Variants in PPP5C observed in about 807,000 individuals in gnomAD.
The protein encoded by PPP5C is serine/threonine-protein phosphatase 5.
A neutral mutation model predicts 66.7 loss-of-function variants in PPP5C; 21 were observed. That is an observed-to-expected ratio of 0.31 (90% CI 0.22 to 0.45). PPP5C has a LOEUF of 0.45. Among genes scored for constraint, PPP5C ranks in the 20% least tolerant of loss-of-function variants. PPP5C has a pLI of 1.00. For missense variants in PPP5C, 464 were observed against 675.9 expected (o/e 0.69, Z 3.48); for synonymous variants, 246 against 257.4 (o/e 0.96, Z 0.43).
chr19:46,360,128 T>C (rs1028922439), intron 2 of PPP5C, among the ~76,000 whole-genome samples: 1 of 152,194 alleles, frequency 6.6e-6, no homozygotes, highest in Non-Finnish European at 1.5e-5. Flanking sequence ...ATTGCCTGTG[T>C]ATGACAGAGG....
chr19:46,364,818 C>G (rs905910764), intron 2 of PPP5C, among the ~76,000 whole-genome samples: 5 of 151,618 alleles, frequency 3.3e-5, no homozygotes, highest in African/African-American at 1.2e-4. Context: ...TCATTTGGGC[C>G]ATTGCACTTT....
intron 2 of PPP5C, among the ~76,000 whole-genome samples, chr19:46,366,547 T>C (rs1972494780): frequency 6.6e-6 from 1 of 152,068 alleles, no homozygotes; most frequent in East Asian, 1.9e-4. Flanking sequence ...GGTCTTGCTG[T>C]GTTCCCCAGG....
rs183639910 is a variant in PPP5C at position 46,354,880 on chromosome 19, G to A, written c.363+891G>A. On this transcript the variant is annotated intron_variant, in intron 2 of 12. Coordinates refer to ENST00000012443, the MANE Select transcript of PPP5C (RefSeq NM_006247.4). ...TATGCTGATGAGGGAGGGGACCTAGGGCACAGTGAGAATTCGCTAGTGCCC... is the reference window on the plus strand; with the variant it reads ...TATGCTGATGAGGGAGGGGACCTAGAGCACAGTGAGAATTCGCTAGTGCCC... Among the ~76,000 whole-genome samples, 341 of 151,986 alleles carry A rather than the reference G, an allele frequency of 2.2e-3. 2 individuals carry two copies. The highest frequency in any genetic ancestry group is 6.9e-3 in the African/African-American group (286 of 41,452).
At chr19:46,352,819 CAAA>C (rs5828273) in intron 1 of PPP5C, among the ~76,000 whole-genome samples, 20 of 127,490 alleles carry the variant, frequency 1.6e-4, no homozygotes, top group East Asian at 2.4e-4. Context: ...GACTCCATCT[CAAA>C]AAAAAAAAAA....
rs899945103 is a variant in PPP5C at position 46,383,310 on chromosome 19, G to C, written c.634-101G>C. 6.4e-7 allele frequency: 1 copy of C among 1,555,990 alleles called. No homozygotes were observed. The highest frequency in any genetic ancestry group is 8.7e-7 in the Non-Finnish European group (1 of 1,150,066). On this transcript the variant is annotated intron_variant, in intron 4 of 12. Transcript: ENST00000012443. This position sits in a 1 kb window ranked among gnomAD's most constrained non-coding sequence, Gnocchi z 5.0. ...TTTCTTCTCTCCCTGCTTCTCCCTC[G>C]CCCTCAGCCCAGCAGCGTCTCATGG...
At chr19:46,373,547 G>A (rs1053919296) in intron 2 of PPP5C, among the ~76,000 whole-genome samples, 1 of 152,244 alleles carries the variant, frequency 6.6e-6, no homozygotes, top group Non-Finnish European at 1.5e-5. Flanking sequence ...TCCCTGCGCT[G>A]TCATTGTTTG....
intron 1 of PPP5C, among the ~76,000 whole-genome samples, chr19:46,351,516 C>A (rs1972183677): frequency 2.6e-5 from 4 of 152,232 alleles, no homozygotes; most frequent in African/African-American, 7.2e-5. Context: ...AAAGAGGAGG[C>A]TATTTGCCTG....
rs1186206470 is a variant in PPP5C at position 46,376,669 on chromosome 19, G to A, written c.633+95G>A. ...CACTGAGCAAAACGACAGGAGAAGG[G>A]CGGCCATGACAGCCAACACCAAACA... On this transcript the variant is annotated intron_variant, in intron 4 of 12. Transcript: ENST00000012443. This position sits in a 1 kb window ranked among gnomAD's most constrained non-coding sequence, Gnocchi z 5.1. The A allele has an allele frequency of 9.2e-6, 14 of 1,526,434 alleles. No individual in the cohort carries two copies. In the Admixed American group the frequency reaches 1.5e-4, roughly 16 times the overall value. The allele number at this position is 1,526,434 out of a possible 1,614,324, so 94.6% of individuals were successfully genotyped here. A position where few individuals can be genotyped will look rare whatever the true frequency, so the allele number is the denominator to read the frequency against.
intron 2 of PPP5C, among the ~76,000 whole-genome samples, chr19:46,357,792 G>A (rs377111575): frequency 1.7e-4 from 26 of 152,326 alleles, no homozygotes; most frequent in East Asian, 1.5e-3. Context: ...CAGAGCTTCC[G>A]CGCCCTCTCC....
chr19:46,368,773 C>A (rs1250230606), intron 2 of PPP5C, among the ~76,000 whole-genome samples: 1 of 152,150 alleles, frequency 6.6e-6, no homozygotes, highest in Non-Finnish European at 1.5e-5. Flanking sequence ...CCTTGCATAC[C>A]CATAGCTTAG....
intron 1 of PPP5C, among the ~76,000 whole-genome samples, chr19:46,347,955 A>C (rs1365063590): frequency 1.4e-5 from 2 of 146,454 alleles, no homozygotes; most frequent in South Asian, 2.1e-4. Flanking sequence ...AAAAAAAAAC[A>C]AAAAAAAACC....
At chr19:46,351,515 G>A (rs1002944715) in intron 1 of PPP5C, among the ~76,000 whole-genome samples, 1 of 152,220 alleles carries the variant, frequency 6.6e-6, no homozygotes, top group African/African-American at 2.4e-5. Flanking sequence ...GAAAGAGGAG[G>A]CTATTTGCCT....
In PPP5C at chr19:46,388,509, A is replaced by T. The variant is rs371176114; in HGVS notation, c.1177-44A>T. 6.8e-5 allele frequency: 109 copies of T among 1,610,494 alleles called. No homozygotes were observed. Among genetic ancestry groups the T allele is most frequent in the Non-Finnish European group, 8.9e-5 (105 of 1,177,438 alleles). On this transcript the variant is annotated intron_variant, in intron 10 of 12. Coordinates refer to ENST00000012443, the MANE Select transcript of PPP5C (RefSeq NM_006247.4). The surrounding 1 kb of genome is among the most constrained non-coding windows in gnomAD (Gnocchi z 4.9). ...GGGCTGTGGCAGCAGGTGGAGGCAG[A>T]CAGTCACCCTGAACCCCTGTCTCTC...
At chr19:46,374,145 C>G (rs1337997428) in intron 2 of PPP5C, among the ~76,000 whole-genome samples, 1 of 152,192 alleles carries the variant, frequency 6.6e-6, no homozygotes, top group African/African-American at 2.4e-5. Flanking sequence ...GGCAGGGTGC[C>G]CTAGGCCTGC....
chr19:46,374,453 C>T (rs767570762), intron 2 of PPP5C, among the ~76,000 whole-genome samples: 4 of 151,940 alleles, frequency 2.6e-5, no homozygotes, highest in African/African-American at 7.3e-5. Context: ...CGGGGGTCTA[C>T]GTGACTAAAC....
At chr19:46,379,197 G>A (rs1011002484) in intron 4 of PPP5C, among the ~76,000 whole-genome samples, 2 of 152,174 alleles carry the variant, frequency 1.3e-5, no homozygotes, top group African/African-American at 4.8e-5. Flanking sequence ...GGGACTACAG[G>A]TGTGCACCAC....
At chr19:46,368,881 GA>G (rs1972535562) in intron 2 of PPP5C, among the ~76,000 whole-genome samples, 2 of 152,292 alleles carry the variant, frequency 1.3e-5, no homozygotes, top group East Asian at 3.9e-4. Flanking sequence ...GTCTACAAAA[GA>G]CATTATTTTG....
intron 1 of PPP5C, among the ~76,000 whole-genome samples, chr19:46,351,771 G>A (rs1972189891): frequency 6.6e-6 from 1 of 152,226 alleles, no homozygotes; most frequent in African/African-American, 2.4e-5. Flanking sequence ...CCCTCCTGGG[G>A]CTTACAGCTC....
intron 1 of PPP5C, among the ~76,000 whole-genome samples, chr19:46,353,346 G>A (rs1217505606): frequency 6.6e-6 from 1 of 152,130 alleles, no homozygotes; most frequent in Non-Finnish European, 1.5e-5. Context: ...CCAGGGATCT[G>A]TCCCACCAGC....
Sources: allele counts gnomAD v4.1 joint callset (sites outside exome capture counted in the v4.1 genomes callset), GRCh38; gene constraint gnomAD v4.1.1; non-coding constraint Gnocchi (gnomAD v3.1); transcripts MANE v1.5; gene names NCBI Gene and HGNC (gene_info 2026-07-23, HGNC 2026-07-21).